RNFT2: variants seen among roughly 807,000 people sequenced by gnomAD.
RNFT2 encodes ring finger protein, transmembrane 2, also known as E3 ubiquitin-protein ligase RNFT2.
In RNFT2, 36 loss-of-function variants were observed where a neutral mutation model predicts 53.0. The observed-to-expected ratio is 0.68, with a 90% CI of 0.52 to 0.90. The LOEUF is 0.90. Ranked by LOEUF, RNFT2 falls within the 40% of genes least tolerant of loss-of-function variation. The pLI, the probability that RNFT2 is intolerant of heterozygous loss-of-function variation, is 0.00. For synonymous variants in RNFT2, 260 were observed against 253.2 expected (o/e 1.03, Z -0.26); for missense variants, 514 against 585.6 (o/e 0.88, Z 1.26).
intron 5 of RNFT2, among the ~76,000 whole-genome samples, chr12:116,763,778 CA>C (rs1309436988): frequency 4.3e-4 from 42 of 98,634 alleles, no homozygotes; most frequent in South Asian, 7.0e-4. Flanking sequence ...GACTCCATCT[CA>C]AAAAAAAAAG....
At chr12:116,739,050 G>C (rs1871462974) in intron 1 of RNFT2, among the ~76,000 whole-genome samples, 1 of 152,126 alleles carries the variant, frequency 6.6e-6, no homozygotes, top group African/African-American at 2.4e-5. Flanking sequence ...TTAATCAGTG[G>C]CCCTAGTGAC....
At chr12:116,843,492 CAAA>C (rs35687933) in intron 10 of RNFT2, among the ~76,000 whole-genome samples, 1,311 of 65,104 alleles carry the variant, frequency 0.02, 11 homozygotes, top group Middle Eastern at 0.054. Flanking sequence ...GACTGTGTCT[CAAA>C]AAAAAAAAAA....
chr12:116,769,185 C>T (rs925217010), intron 6 of RNFT2, among the ~76,000 whole-genome samples: 2 of 152,094 alleles, frequency 1.3e-5, no homozygotes, highest in Non-Finnish European at 2.9e-5. Flanking sequence ...TAGTGAAACC[C>T]CTGTCTCTAC....
In RNFT2 at chr12:116,812,076, G is replaced by A. The variant is rs77170328; in HGVS notation, c.883-21716G>A. On this transcript the variant is annotated intron_variant, in intron 7 of 10. Transcript: ENST00000257575. ...CGGTGAGGAACAAATGAGGTCATGA[G>A]GTTTAGAACAGAGTTTTCAGTGCCT... 8.2e-3 allele frequency among the ~76,000 whole-genome samples: 1,244 copies of A among 152,234 alleles called. 4 individuals are homozygous for A. The highest frequency in any genetic ancestry group is 0.028 in the African/African-American group (1,163 of 41,532).
Position 116,754,040 on chromosome 12 carries a change from C to T in RNFT2, c.607C>T (p.Arg203Ter), listed in dbSNP as rs1332429686. 5.0e-6 allele frequency: 8 copies of T among 1,613,800 alleles called. No homozygotes were observed. The highest frequency in any genetic ancestry group is 6.8e-6 in the Non-Finnish European group (8 of 1,179,818). ...STFAYANSTL[R>*]EQVSLKEKRS... is the part of the protein sequence containing the mutation. ...CTTCGCCTATGCCAACTCCACGCTT[C>T]GAGAACAGGTCTCACTGAAGGTGAG... The change falls in exon 5 of 11, where the codon CGA becomes TGA. Residue 203 changes from arginine (R) to a stop codon, truncating the protein, a stop_gained. Coordinates refer to ENST00000257575, the MANE Select transcript of RNFT2 (RefSeq NM_001382266.1). LOFTEE classifies it high-confidence loss of function.
At chr12:116,787,846 C>G (rs1874008701) in intron 7 of RNFT2, among the ~76,000 whole-genome samples, 1 of 152,168 alleles carries the variant, frequency 6.6e-6, no homozygotes, top group South Asian at 2.1e-4. Flanking sequence ...CTTACTTACT[C>G]ATCCCTCTCC....
intron 4 of RNFT2, 124 bp from the exon 5 acceptor site, chr12:116,753,860 T>G: frequency 1.4e-6 from 1 of 693,478 alleles, no homozygotes; most frequent in Non-Finnish European, 2.5e-6. Flanking sequence ...TTTTTTTTAT[T>G]TTTCTCTCTC....
At chr12:116,814,566 G>C (rs1875546944) in intron 7 of RNFT2, among the ~76,000 whole-genome samples, 1 of 152,170 alleles carries the variant, frequency 6.6e-6, no homozygotes, top group Admixed American at 6.5e-5. Context: ...AGGTTAAGGA[G>C]CAATGAGCCT....
At chr12:116,743,574 TTATATC>T (rs996285947) in intron 3 of RNFT2, among the ~76,000 whole-genome samples, 1 of 151,942 alleles carries the variant, frequency 6.6e-6, no homozygotes, top group African/African-American at 2.4e-5. Context: ...AGCCTAGAAT[TTATATC>T]TATTGAAACC....
At chr12:116,808,618 G>C (rs1324722509) in intron 7 of RNFT2, among the ~76,000 whole-genome samples, 2 of 152,122 alleles carry the variant, frequency 1.3e-5, no homozygotes, top group Non-Finnish European at 1.5e-5. Flanking sequence ...CCCCCAAGCT[G>C]TTGTTCCGCC....
At chr12:116,801,712 G>A (rs1178910028) in intron 7 of RNFT2, among the ~76,000 whole-genome samples, 3 of 152,332 alleles carry the variant, frequency 2.0e-5, no homozygotes, top group Admixed American at 6.5e-5. Context: ...AGTCAGGATC[G>A]AACAGAATAC....
chr12:116,792,459 C>G (rs1339954038), intron 7 of RNFT2, among the ~76,000 whole-genome samples: 2 of 152,200 alleles, frequency 1.3e-5, no homozygotes, highest in Non-Finnish European at 2.9e-5. Context: ...TTGAAACGGA[C>G]ACTGCTAGGG....
chr12:116,808,175 G>C (rs2137161475), intron 7 of RNFT2, among the ~76,000 whole-genome samples: 1 of 152,230 alleles, frequency 6.6e-6, no homozygotes, highest in South Asian at 2.1e-4. Context: ...ATGTTGGCCA[G>C]GCTGGTCTCA....
chr12:116,823,769 G>C (rs1175504500), intron 7 of RNFT2, among the ~76,000 whole-genome samples: 1 of 152,118 alleles, frequency 6.6e-6, no homozygotes, highest in Non-Finnish European at 1.5e-5. Context: ...CATATTTCCA[G>C]GCTGCTAACA....
intron 7 of RNFT2, among the ~76,000 whole-genome samples, chr12:116,791,577 T>A (rs1441147670): frequency 6.6e-6 from 1 of 152,232 alleles, no homozygotes; most frequent in African/African-American, 2.4e-5. Context: ...CCCAAAGTGC[T>A]GGAATTACAG....
intron 5 of RNFT2, among the ~76,000 whole-genome samples, chr12:116,756,606 TTC>T (rs764627135): frequency 6.6e-6 from 1 of 152,242 alleles, no homozygotes; most frequent in Admixed American, 6.5e-5. Flanking sequence ...TTGTTTTTAA[TTC>T]TGTTTACGTG....
Position 116,836,247 on chromosome 12 carries a change from G to A in RNFT2, c.1165G>A (p.Ala389Thr). 1.3e-6 allele frequency: 2 copies of A among 1,586,556 alleles called. No homozygotes were observed. The highest frequency in any genetic ancestry group is 1.7e-6 in the Non-Finnish European group (2 of 1,166,404). The stretch of plus-strand genomic sequence containing the variant: ...TGGTGACATCTGCGCCATCTGTCAG[G>A]CCGAGTTCCGAGAGCCTCTGATTCT... Reference protein sequence around the residue: ...EAGDICAICQAEFREPLILLC... With the variant: ...EAGDICAICQTEFREPLILLC... The change falls in exon 10 of 11, where the codon GCC (alanine) becomes ACC (threonine). Residue 389 changes from alanine to threonine, a missense_variant. By Grantham distance (58) the Ala-to-Thr change is moderately conservative. This residue lies in a region of RNFT2 where 273 missense variants were observed against 334.4 expected (regional missense o/e 0.82). Transcript: ENST00000257575.
In RNFT2 at chr12:116,849,651, C is replaced by T. The variant is rs1049386693; in HGVS notation, c.*203C>T. On this transcript the variant is annotated 3_prime_UTR_variant, in exon 11 of 11. Coordinates refer to ENST00000257575, the MANE Select transcript of RNFT2 (RefSeq NM_001382266.1). The stretch of plus-strand genomic sequence containing the variant: ...CGTTCTGTGGTATAGTGCGTGCCTC[C>T]TTCCCCTGCAAAAGGGGACGTCTTC... The T allele has an allele frequency of 4.7e-6, 6 of 1,284,348 alleles. No homozygotes were observed. The highest frequency in any genetic ancestry group is 4.5e-5 in the African/African-American group (3 of 67,082). 79.6% of individuals were successfully genotyped at this position (1,284,348 alleles called of 1,614,324 possible).
chr12:116,759,921 T>A (rs145932622), intron 5 of RNFT2, among the ~76,000 whole-genome samples: 5,191 of 152,014 alleles, frequency 0.034, 138 homozygotes, highest in Non-Finnish European at 0.052. Flanking sequence ...AACTCTCGAG[T>A]TTCTATGGCC....
Sources: gnomAD v4.1 joint callset for allele counts (sites outside exome capture counted in the v4.1 genomes callset) on GRCh38, gnomAD v4.1.1 for gene constraint, gnomAD v4.1.1 regional missense constraint, MANE v1.5 for transcripts, NCBI Gene and HGNC (gene_info 2026-07-23, HGNC 2026-07-21) for gene names.